The following NAALADL2 variants were observed in gnomAD, a reference collection of about 807,000 sequenced individuals.
The protein encoded by NAALADL2 is inactive N-acetylated-alpha-linked acidic dipeptidase-like protein 2.
Under a neutral mutation model 87.2 loss-of-function variants are expected in NAALADL2, and 76 were observed. The ratio of observed to expected loss-of-function variants is 0.87; its 90% CI spans 0.72 to 1.05. The LOEUF (loss-of-function observed/expected upper bound fraction) is 1.05, where lower values mean the gene tolerates loss of function less well. Ranked by LOEUF, NAALADL2 falls within the 50% of genes least tolerant of loss-of-function variation. NAALADL2 has a pLI of 0.00. For missense variants in NAALADL2, 1,089 were observed against 945.8 expected, an observed-to-expected ratio of 1.15 and a Z score of -1.99; for synonymous variants, 354 against 331.0, an observed-to-expected ratio of 1.07 and a Z score of -0.75.
At position 174,661,827 on chromosome 3, in the gene NAALADL2, G is replaced by GCACA. The variant is rs144556364; in HGVS notation, c.-114-75800_-114-75797dup. Among the ~76,000 whole-genome samples, 37 of 150,312 alleles carry GCACA rather than the reference G, an allele frequency of 2.5e-4. 1 individual carries two copies. The highest frequency in any genetic ancestry group is 7.8e-4 in the African/African-American group (32 of 41,052). On this transcript the variant is annotated intron_variant, in intron 2 of 3. Transcript: ENST00000434257. ...AAATGTGGTATACACATGCGTGCAC[G>GCACA]CACACACACACACACACGAGCTGTA...
chr3:175,767,715 C>T lies in NAALADL2; in HGVS notation c.2189+12297C>T, dbSNP rs181719476. The T allele has an allele frequency of 2.0e-5, 3 of 152,190 alleles. No individual in the cohort carries two copies. In the East Asian group the frequency reaches 5.8e-4, roughly 29 times the overall value. 9.4% of individuals were successfully genotyped at this position (152,190 alleles called of 1,614,324 possible). A position where few individuals can be genotyped will look rare whatever the true frequency, so the allele number is the denominator to read the frequency against. On this transcript the variant is annotated intron_variant, in intron 13 of 13. Transcript: ENST00000454872. ...TCAAGGAAGCTTGAAGTTTCCTTAG[C>T]TTTCTTTAAGCTAAGTTTCATAGAA...
intron 2 of NAALADL2, among the ~76,000 whole-genome samples, chr3:174,728,273 G>A (rs995923384): frequency 6.6e-6 from 1 of 151,932 alleles, no homozygotes; most frequent in African/African-American, 2.4e-5. Context: ...GTTGGGGTAT[G>A]AATTGTCCCC....
intron 1 of NAALADL2, among the ~76,000 whole-genome samples, chr3:174,873,225 A>C (rs1352148376): frequency 7.3e-6 from 1 of 137,310 alleles, no homozygotes; most frequent in Non-Finnish European, 1.5e-5. Context: ...CTCTGTGTAC[A>C]TGTCTTTATT....
At chr3:174,478,355 G>A (rs753232878) in intron 1 of NAALADL2, among the ~76,000 whole-genome samples, 1 of 152,096 alleles carries the variant, frequency 6.6e-6, no homozygotes, top group Non-Finnish European at 1.5e-5. Flanking sequence ...TTACAAGACA[G>A]TGCTATCTTA....
chr3:175,711,610 A>G (rs1283832788), intron 11 of NAALADL2, among the ~76,000 whole-genome samples: 1 of 151,898 alleles, frequency 6.6e-6, no homozygotes, highest in African/African-American at 2.4e-5. Context: ...TGTGAAGAAG[A>G]GTTTACTCAA....
At chr3:175,282,346 T>G (rs1754416733) in intron 4 of NAALADL2, among the ~76,000 whole-genome samples, 1 of 152,050 alleles carries the variant, frequency 6.6e-6, no homozygotes, top group South Asian at 2.1e-4. Context: ...ATTCTTTGTC[T>G]GCTTTAAAGA....
intron 11 of NAALADL2, among the ~76,000 whole-genome samples, chr3:175,729,884 T>C (rs1249926994): frequency 2.6e-5 from 4 of 151,958 alleles, no homozygotes; most frequent in Non-Finnish European, 4.4e-5. Flanking sequence ...TAGGGCTCTA[T>C]TGCGTTTTAA....
intron 5 of NAALADL2, among the ~76,000 whole-genome samples, chr3:175,326,015 A>C (rs1335843488): frequency 6.6e-6 from 1 of 152,192 alleles, no homozygotes; most frequent in East Asian, 1.9e-4. Context: ...CTTTTAATTA[A>C]AAATTCCATT....
At chr3:175,412,214 C>T (rs574571343) in intron 5 of NAALADL2, among the ~76,000 whole-genome samples, 3 of 152,262 alleles carry the variant, frequency 2.0e-5, no homozygotes, top group South Asian at 2.1e-4. Context: ...ACAGTCTTTT[C>T]CCCCCTTTTT....
intron 2 of NAALADL2, among the ~76,000 whole-genome samples, chr3:175,123,324 G>A (rs576183403): frequency 3.7e-4 from 56 of 152,000 alleles, no homozygotes; most frequent in South Asian, 1.0e-3. Flanking sequence ...GGACATGTAC[G>A]GATGGTGGTA....
intron 11 of NAALADL2, among the ~76,000 whole-genome samples, chr3:175,689,399 G>A (rs1455160287): frequency 6.6e-6 from 1 of 152,082 alleles, no homozygotes; most frequent in Non-Finnish European, 1.5e-5. Flanking sequence ...AAGCTAGGAA[G>A]CTTCAACTAT....
At chr3:175,383,960 G>T (rs1005358944) in intron 5 of NAALADL2, among the ~76,000 whole-genome samples, 1 of 151,902 alleles carries the variant, frequency 6.6e-6, no homozygotes, top group African/African-American at 2.4e-5. Context: ...GATTTTTACC[G>T]TGTGGTTCAT....
intron 2 of NAALADL2, among the ~76,000 whole-genome samples, chr3:175,199,760 T>G (rs1739529805): frequency 1.2e-5 from 1 of 80,360 alleles, no homozygotes; most frequent in Non-Finnish European, 3.3e-5. Flanking sequence ...GAAAACTGAT[T>G]GATTTGCTGC....
intron 2 of NAALADL2, among the ~76,000 whole-genome samples, chr3:175,222,940 A>G (rs1027818333): frequency 2.0e-5 from 3 of 152,034 alleles, no homozygotes; most frequent in African/African-American, 4.8e-5. Flanking sequence ...TCTGCATTCA[A>G]CCTGTTGTGG....
chr3:175,035,140 T>G (rs1050977356), intron 1 of NAALADL2, among the ~76,000 whole-genome samples: 2 of 152,192 alleles, frequency 1.3e-5, no homozygotes, highest in Non-Finnish European at 2.9e-5. Context: ...CAACTGGATC[T>G]GTGGGGATCT....
intron 3 of NAALADL2, among the ~76,000 whole-genome samples, chr3:174,810,539 A>G (rs1720055453): frequency 6.6e-6 from 1 of 151,698 alleles, no homozygotes; most frequent in Admixed American, 6.6e-5. Context: ...AGAAATTTCT[A>G]CCAGAAAAGC....
At chr3:175,141,806 A>C (rs1238319307) in intron 2 of NAALADL2, among the ~76,000 whole-genome samples, 1 of 152,104 alleles carries the variant, frequency 6.6e-6, no homozygotes, top group Non-Finnish European at 1.5e-5. Context: ...TTCTGCTTTC[A>C]GATAATGTTT....
chr3:175,664,779 A>C (rs1010730193), intron 11 of NAALADL2, among the ~76,000 whole-genome samples: 1 of 152,168 alleles, frequency 6.6e-6, no homozygotes, highest in African/African-American at 2.4e-5. Flanking sequence ...TGTATTAAGT[A>C]AAATGAATTT....
intron 2 of NAALADL2, among the ~76,000 whole-genome samples, chr3:174,713,542 C>T (rs1431673680): frequency 6.6e-6 from 1 of 152,208 alleles, no homozygotes; most frequent in Non-Finnish European, 1.5e-5. Flanking sequence ...ATTTGCATTT[C>T]TCTGATGGCC....
Sources: allele counts gnomAD v4.1 joint callset (sites outside exome capture counted in the v4.1 genomes callset), GRCh38; gene constraint gnomAD v4.1.1; transcripts MANE v1.5; gene names NCBI Gene and HGNC (gene_info 2026-07-23, HGNC 2026-07-21).